The following IL1RAPL2 variants were observed in gnomAD, a reference collection of about 807,000 sequenced individuals.
IL1RAPL2 encodes the protein interleukin 1 receptor accessory protein like 2.
IL1RAPL2 carries 3 observed loss-of-function variants against 44.1 expected under a neutral mutation model. The ratio of observed to expected loss-of-function variants is 0.07; its 90% CI spans 0.03 to 0.18. IL1RAPL2 has a LOEUF of 0.18. IL1RAPL2 is among the 10% of genes least tolerant of loss of function. IL1RAPL2 has a pLI of 1.00. For synonymous variants in IL1RAPL2, 181 were observed against 178.8 expected (o/e 1.01, Z -0.10); for missense variants, 391 against 496.4 (o/e 0.79, Z 2.02).
At chrX:105,391,588 G>A (rs1488776336) in intron 5 of IL1RAPL2, among the ~76,000 whole-genome samples, 4 of 99,322 alleles carry the variant, frequency 4.0e-5, no homozygotes, top group African/African-American at 1.1e-4. Context: ...TCAGTGTGGC[G>A]ATTCCTCAGG....
At chrX:105,039,677 CTCTA>C (rs895010316) in intron 2 of IL1RAPL2, among the ~76,000 whole-genome samples, 8 of 110,249 alleles carry the variant, frequency 7.3e-5, no homozygotes, top group African/African-American at 2.6e-4. Flanking sequence ...TGATTTGGAT[CTCTA>C]TCTGTTATCG....
intron 2 of IL1RAPL2, among the ~76,000 whole-genome samples, chrX:104,675,482 G>A (rs1416475595): frequency 2.7e-5 from 3 of 111,397 alleles, no homozygotes; most frequent in Non-Finnish European, 5.7e-5. Context: ...TATAATTTCT[G>A]TTCTTTTACA....
chrX:104,788,734 G>C (rs1932811314), intron 2 of IL1RAPL2, among the ~76,000 whole-genome samples: 1 of 111,757 alleles, frequency 8.9e-6, no homozygotes, highest in East Asian at 2.8e-4. Context: ...AATCTTAATA[G>C]GGCTTACTTA....
chrX:105,347,354 A>G (rs950427499), intron 5 of IL1RAPL2, among the ~76,000 whole-genome samples: 2 of 111,347 alleles, frequency 1.8e-5, no homozygotes, highest in African/African-American at 3.3e-5. Flanking sequence ...AACTTTCTGA[A>G]CCTAGTTTTC....
intron 5 of IL1RAPL2, among the ~76,000 whole-genome samples, chrX:105,481,253 C>T (rs2036231459): frequency 8.9e-6 from 1 of 112,025 alleles, no homozygotes; most frequent in South Asian, 3.7e-4. Flanking sequence ...CCCAAGGGGA[C>T]ACCAAATAAG....
intron 2 of IL1RAPL2, among the ~76,000 whole-genome samples, chrX:104,945,943 T>TC (rs1386665621): frequency 9.0e-6 from 1 of 110,847 alleles, no homozygotes; most frequent in Non-Finnish European, 1.9e-5. Context: ...GATTTTTTTT[T>TC]CTTTTTCAGG....
intron 2 of IL1RAPL2, among the ~76,000 whole-genome samples, chrX:105,185,585 T>A (rs1465177460): frequency 2.7e-5 from 3 of 111,365 alleles, no homozygotes; most frequent in African/African-American, 9.8e-5. Flanking sequence ...AAATTGGGTA[T>A]CTTGTTAATG....
chrX:105,355,281 G>A (rs1245108466), intron 5 of IL1RAPL2, among the ~76,000 whole-genome samples: 2 of 111,114 alleles, frequency 1.8e-5, no homozygotes, highest in Non-Finnish European at 3.8e-5. Context: ...TTTAATTTGC[G>A]TCCTTTGCTT....
chrX:104,969,161 C>A (rs915772083), intron 2 of IL1RAPL2, among the ~76,000 whole-genome samples: 10 of 110,681 alleles, frequency 9.0e-5, no homozygotes, highest in African/African-American at 3.0e-4. Flanking sequence ...TAAGCTAATT[C>A]TCTTACATAA....
At chrX:105,366,419 T>G (rs2035295708) in intron 5 of IL1RAPL2, among the ~76,000 whole-genome samples, 1 of 110,989 alleles carries the variant, frequency 9.0e-6, no homozygotes, top group Admixed American at 9.7e-5. Context: ...TAGTGTATGA[T>G]TTTTTCTAAT....
At chrX:105,430,500 T>C (rs1203325052) in intron 5 of IL1RAPL2, among the ~76,000 whole-genome samples, 2 of 111,705 alleles carry the variant, frequency 1.8e-5, no homozygotes, top group Non-Finnish European at 3.8e-5. Context: ...TCTTAATCCA[T>C]ATAATTATGA....
chrX:105,402,865 C>T lies in IL1RAPL2; in HGVS notation c.698-81448C>T, dbSNP rs185068856. The stretch of plus-strand genomic sequence containing the variant: ...AGCTCTAAATCCCACTGTAATTCTT[C>T]CTAATTTAAGGCATTTATTAACTCA... On this transcript the variant is annotated intron_variant, in intron 5 of 10. Coordinates refer to ENST00000372582, the MANE Select transcript of IL1RAPL2 (RefSeq NM_017416.2). Among the ~76,000 whole-genome samples the T allele has an allele frequency of 4.6e-3, 513 of 111,713 alleles. 4 individuals carry two copies. Among genetic ancestry groups the T allele is most frequent in the African/African-American group, 0.016 (485 of 30,767 alleles).
chrX:104,757,080 A>G (rs759886109), intron 2 of IL1RAPL2, among the ~76,000 whole-genome samples: 1 of 111,758 alleles, frequency 8.9e-6, no homozygotes, highest in Admixed American at 9.5e-5. Context: ...TAACAAGAGC[A>G]TTCACATTGC....
At chrX:105,112,575 A>C in intron 2 of IL1RAPL2, among the ~76,000 whole-genome samples, 1 of 112,609 alleles carries the variant, frequency 8.9e-6, no homozygotes, top group Non-Finnish European at 1.9e-5. Context: ...GTGAATAACA[A>C]ATTGTACGAA....
intron 5 of IL1RAPL2, among the ~76,000 whole-genome samples, chrX:105,450,828 A>G (rs2036014321): frequency 9.0e-6 from 1 of 110,948 alleles, no homozygotes; most frequent in African/African-American, 3.3e-5. Flanking sequence ...TACTATTTCT[A>G]TTTTCCAAAT....
At chrX:105,059,042 C>T (rs1054104500) in intron 2 of IL1RAPL2, among the ~76,000 whole-genome samples, 1 of 111,814 alleles carries the variant, frequency 8.9e-6, no homozygotes, top group Non-Finnish European at 1.9e-5. Context: ...TTGATACTAA[C>T]ATACAATGCA....
chrX:104,881,203 C>T (rs770570563), intron 2 of IL1RAPL2, among the ~76,000 whole-genome samples: 4 of 110,754 alleles, frequency 3.6e-5, no homozygotes, highest in Non-Finnish European at 7.6e-5. Context: ...TTTTCATGCA[C>T]CTAGAGAATA....
intron 6 of IL1RAPL2, among the ~76,000 whole-genome samples, chrX:105,529,526 T>C (rs1221834658): frequency 9.0e-6 from 1 of 111,117 alleles, no homozygotes. Flanking sequence ...ACTCCTAGAC[T>C]CTTTCTTTTT....
Position 104,675,107 on chromosome X carries a change from G to A in IL1RAPL2, c.82+16112G>A, listed in dbSNP as rs1277107349. Among the ~76,000 whole-genome samples the A allele has an allele frequency of 3.1e-4, 34 of 111,028 alleles. 1 individual carries two copies. ...TTGTGTCTCTATTTCCTTCAGTTCT[G>A]CTCTGTTCTTAGTTATTTCTTGCCT... On this transcript the variant is annotated intron_variant, in intron 2 of 10. Coordinates refer to ENST00000372582, the MANE Select transcript of IL1RAPL2 (RefSeq NM_017416.2).
Sources: gnomAD v4.1 joint callset for allele counts (sites outside exome capture counted in the v4.1 genomes callset) on GRCh38, gnomAD v4.1.1 for gene constraint, MANE v1.5 for transcripts, NCBI Gene and HGNC (gene_info 2026-07-23, HGNC 2026-07-21) for gene names.